Variants in ATP8A2 observed in about 807,000 individuals in gnomAD.
The protein encoded by ATP8A2 is ATPase phospholipid transporting 8A2.
ATP8A2 carries 100 observed loss-of-function variants against 165.6 expected under a neutral mutation model. The observed-to-expected ratio is 0.60, with a 90% CI of 0.51 to 0.71. The LOEUF (loss-of-function observed/expected upper bound fraction) is 0.71, where lower values mean the gene tolerates loss of function less well. ATP8A2 is among the 30% of genes least tolerant of loss of function. ATP8A2 has a pLI of 0.00. For missense variants in ATP8A2, 1,227 were observed against 1,479.5 expected (o/e 0.83, Z 2.80); for synonymous variants, 543 against 548.8 (o/e 0.99, Z 0.15).
intron 33 of ATP8A2, among the ~76,000 whole-genome samples, chr13:25,893,282 T>G (rs1243273384): frequency 2.0e-5 from 3 of 147,620 alleles, no homozygotes; most frequent in African/African-American, 7.5e-5. Context: ...TTCCCACCTA[T>G]GAGTGAGAAC....
At chr13:25,632,844 G>A (rs969613060) in intron 24 of ATP8A2, among the ~76,000 whole-genome samples, 16 of 152,158 alleles carry the variant, frequency 1.1e-4, no homozygotes, top group African/African-American at 3.1e-4. Flanking sequence ...GCCCTCTTGC[G>A]TGGGAGAAGT....
rs1018093987 is a variant in ATP8A2 at position 25,780,950 on chromosome 13, T to C, written c.2679+5991T>C. 3.6e-4 allele frequency among the ~76,000 whole-genome samples: 55 copies of C among 152,108 alleles called. 2 individuals carry two copies. The highest frequency in any genetic ancestry group is 4.4e-5 in the Non-Finnish European group (3 of 68,018). ...TTGGGGATCCCTGTACTACAGGATA[T>C]GAGAAAAGGCCTTACTGGCAGTTTG... On this transcript the variant is annotated intron_variant, in intron 27 of 36. Transcript: ENST00000381655.
intron 33 of ATP8A2, among the ~76,000 whole-genome samples, 181 bp from the exon 34 acceptor site, chr13:25,961,394 T>C (rs1256566415): frequency 6.6e-6 from 1 of 152,220 alleles, no homozygotes; most frequent in Non-Finnish European, 1.5e-5. Context: ...GAGAGAAGGC[T>C]GCAGAGAGGA....
At chr13:25,794,230 C>T (rs899174160) in intron 27 of ATP8A2, among the ~76,000 whole-genome samples, 9 of 152,148 alleles carry the variant, frequency 5.9e-5, no homozygotes, top group South Asian at 2.1e-4. Context: ...TAAAACCTTA[C>T]GGTGGCTTTA....
At chr13:25,695,576 G>T (rs9507548) in intron 24 of ATP8A2, among the ~76,000 whole-genome samples, 39,623 of 152,138 alleles carry the variant, frequency 0.26, 5,483 homozygotes, top group South Asian at 0.46. Context: ...TATGTCATGT[G>T]CTAAATCCTT....
chr13:25,374,991 C>T (rs1035560070), intron 1 of ATP8A2, among the ~76,000 whole-genome samples: 4 of 152,184 alleles, frequency 2.6e-5, no homozygotes, highest in African/African-American at 9.7e-5. Flanking sequence ...ATTTTCTTGT[C>T]TGAGCCATCT....
chr13:25,820,584 T>C (rs1471438321), intron 27 of ATP8A2, among the ~76,000 whole-genome samples: 1 of 152,214 alleles, frequency 6.6e-6, no homozygotes, highest in Non-Finnish European at 1.5e-5. Flanking sequence ...CTGCGTTTAG[T>C]GTACACAGCT....
intron 24 of ATP8A2, among the ~76,000 whole-genome samples, chr13:25,646,810 C>G (rs1217131020): frequency 6.6e-6 from 1 of 151,976 alleles, no homozygotes; most frequent in Non-Finnish European, 1.5e-5. Flanking sequence ...TACTTTGTTC[C>G]TTTTTCCATT....
At chr13:25,462,028 C>G (rs1446635328) in intron 1 of ATP8A2, among the ~76,000 whole-genome samples, 1 of 152,196 alleles carries the variant, frequency 6.6e-6, no homozygotes, top group Non-Finnish European at 1.5e-5. Flanking sequence ...AGATGGTAGC[C>G]TGCTTACCTA....
At chr13:25,601,980 C>T (rs1027958913) in intron 24 of ATP8A2, among the ~76,000 whole-genome samples, 1 of 152,108 alleles carries the variant, frequency 6.6e-6, no homozygotes, top group Non-Finnish European at 1.5e-5. Flanking sequence ...AAGGTTATTG[C>T]TAAAATTTTT....
chr13:25,931,413 A>C (rs529758088), intron 33 of ATP8A2, among the ~76,000 whole-genome samples: 1 of 152,336 alleles, frequency 6.6e-6, no homozygotes, highest in South Asian at 2.1e-4. Context: ...AGGGATATTC[A>C]ACCTGTATAT....
At chr13:25,933,441 A>G (rs1035060873) in intron 33 of ATP8A2, among the ~76,000 whole-genome samples, 2 of 152,198 alleles carry the variant, frequency 1.3e-5, no homozygotes, top group Non-Finnish European at 2.9e-5. Flanking sequence ...GAAATTCAAG[A>G]TCACAGGGTT....
chr13:25,399,698 G>A (rs1303499182), intron 1 of ATP8A2, among the ~76,000 whole-genome samples: 7 of 151,510 alleles, frequency 4.6e-5, no homozygotes, highest in Admixed American at 2.0e-4. Context: ...CACCGCGCCC[G>A]GCCCGTGGTT....
intron 1 of ATP8A2, among the ~76,000 whole-genome samples, chr13:25,390,710 A>G (rs1341682253): frequency 6.6e-6 from 1 of 152,132 alleles, no homozygotes; most frequent in Non-Finnish European, 1.5e-5. Context: ...TGGGTGGATC[A>G]TTTGAGGTCA....
At position 26,025,626 on chromosome 13, in the gene ATP8A2, C is replaced by G. The variant is rs1042484252; in HGVS notation, c.*5641C>G. On this transcript the variant is annotated 3_prime_UTR_variant, in exon 37 of 37. Coordinates refer to ENST00000381655, the MANE Select transcript of ATP8A2 (RefSeq NM_016529.6). ...GTGTGGGGTTTTTTGTTGCCTCCCT[C>G]TAGAAGTGTTACCGTTTTCACGTCC... 6.6e-6 allele frequency: 1 copy of G among 152,244 alleles called. No individual in the cohort carries two copies. The highest frequency in any genetic ancestry group is 2.4e-5 in the African/African-American group (1 of 41,442). 9.4% of individuals were successfully genotyped at this position (152,244 alleles called of 1,614,324 possible).
intron 35 of ATP8A2, among the ~76,000 whole-genome samples, chr13:25,979,977 G>A (rs957084388): frequency 1.3e-5 from 2 of 152,200 alleles, no homozygotes; most frequent in Non-Finnish European, 2.9e-5. Flanking sequence ...AAAGTTTTTT[G>A]TGACATGGGA....
At chr13:25,911,566 G>A (rs1348480246) in intron 33 of ATP8A2, among the ~76,000 whole-genome samples, 1 of 152,210 alleles carries the variant, frequency 6.6e-6, no homozygotes, top group Non-Finnish European at 1.5e-5. Flanking sequence ...AAAGGAATGA[G>A]TTAGGAGTTT....
intron 1 of ATP8A2, among the ~76,000 whole-genome samples, chr13:25,462,089 C>A (rs1347643663): frequency 6.6e-6 from 1 of 152,242 alleles, no homozygotes; most frequent in Admixed American, 6.5e-5. Context: ...ATTCAAGTTT[C>A]TGCAGATCTG....
chr13:25,969,792 T>A (rs1267447110), intron 35 of ATP8A2, among the ~76,000 whole-genome samples: 1 of 152,218 alleles, frequency 6.6e-6, no homozygotes, highest in Admixed American at 6.5e-5. Context: ...AAATCATCAG[T>A]CAACAAGACA....
Sources: allele counts gnomAD v4.1 joint callset (sites outside exome capture counted in the v4.1 genomes callset), GRCh38; gene constraint gnomAD v4.1.1; transcripts MANE v1.5; gene names NCBI Gene and HGNC (gene_info 2026-07-23, HGNC 2026-07-21).